The following BMPR1B variants were observed in gnomAD, a reference collection of about 807,000 sequenced individuals.
BMPR1B encodes the protein bone morphogenetic protein receptor type 1B, also known as bone morphogenetic protein receptor type-1B.
A neutral mutation model predicts 59.1 loss-of-function variants in BMPR1B; 12 were observed. That is an observed-to-expected ratio of 0.20 (90% CI 0.13 to 0.33). The LOEUF (loss-of-function observed/expected upper bound fraction) is 0.33, where lower values mean the gene tolerates loss of function less well. Ranked by LOEUF, BMPR1B falls within the 10% of genes least tolerant of loss-of-function variation. The pLI, the probability that BMPR1B is intolerant of heterozygous loss-of-function variation, is 1.00. For missense variants in BMPR1B, 550 were observed against 610.9 expected, an observed-to-expected ratio of 0.90 and a Z score of 1.05; for synonymous variants, 237 against 207.3, an observed-to-expected ratio of 1.14 and a Z score of -1.23.
chr4:94,890,726 C>A (rs1727358978), intron 2 of BMPR1B, among the ~76,000 whole-genome samples: 1 of 152,022 alleles, frequency 6.6e-6, no homozygotes, highest in Non-Finnish European at 1.5e-5. Context: ...CTTACAGCGT[C>A]CTTACGTGGT....
chr4:94,949,016 C>T (rs1405650610), intron 2 of BMPR1B, among the ~76,000 whole-genome samples: 1 of 152,130 alleles, frequency 6.6e-6, no homozygotes, highest in Non-Finnish European at 1.5e-5. Context: ...GATACATGTG[C>T]AGAACATGCA....
chr4:94,859,427 G>C (rs751789730), intron 1 of BMPR1B, among the ~76,000 whole-genome samples: 3 of 152,088 alleles, frequency 2.0e-5, no homozygotes, highest in Non-Finnish European at 4.4e-5. Context: ...GCTTTTAATA[G>C]TGGAGTCAAG....
chr4:95,123,575 C>T (rs1328730628), intron 6 of BMPR1B, among the ~76,000 whole-genome samples: 3 of 152,054 alleles, frequency 2.0e-5, no homozygotes, highest in African/African-American at 7.2e-5. Flanking sequence ...CTGTTCCTTC[C>T]AGACAGGAAG....
At chr4:94,902,255 G>C (rs199677377) in intron 2 of BMPR1B, among the ~76,000 whole-genome samples, 3,947 of 80,172 alleles carry the variant, frequency 0.049, 76 homozygotes, top group African/African-American at 0.14. Flanking sequence ...CACACAGAGA[G>C]AGAGAGAGAG....
chr4:94,981,756 G>A (rs1721099536), intron 2 of BMPR1B, among the ~76,000 whole-genome samples: 2 of 152,158 alleles, frequency 1.3e-5, no homozygotes, highest in Admixed American at 1.3e-4. Flanking sequence ...TGGCAACTGT[G>A]CCTGATAAAC....
intron 3 of BMPR1B, among the ~76,000 whole-genome samples, chr4:95,046,833 G>A (rs1238279847): frequency 3.9e-5 from 6 of 152,098 alleles, no homozygotes; most frequent in East Asian, 1.9e-4. Context: ...GAAGAAGAAC[G>A]CCTCAGACAT....
At chr4:94,921,933 T>G (rs1454916140) in intron 2 of BMPR1B, among the ~76,000 whole-genome samples, 3 of 151,984 alleles carry the variant, frequency 2.0e-5, no homozygotes, top group Non-Finnish European at 4.4e-5. Context: ...GGATTAGCAA[T>G]TTTTCTGAAA....
intron 3 of BMPR1B, among the ~76,000 whole-genome samples, chr4:95,072,653 TG>T (rs1728398312): frequency 6.6e-6 from 1 of 152,204 alleles, no homozygotes; most frequent in South Asian, 2.1e-4. Context: ...TTTCTTACTC[TG>T]AACTTTAAAT....
At position 95,049,419 on chromosome 4, in the gene BMPR1B, GTTTTTTTTTTTTTTTTTTTTTTTTTTTTT is replaced by G. The variant is rs761496965; in HGVS notation, c.-18+53308_-18+53336del. On this transcript the variant is annotated intron_variant, in intron 3 of 12. Coordinates refer to ENST00000515059, the MANE Select transcript of BMPR1B (RefSeq NM_001203.3). ...ACGAGCCAATGTGCCCAGCATAAAA[GTTTTTTTTTTTTTTTTTTTTTTTTTTTTT>G]TTTTTTTTTTTTTTTTTTTTTTGCA... Among the ~76,000 whole-genome samples the G allele has an allele frequency of 3.4e-3, 264 of 77,388 alleles. 8 individuals carry two copies. Among genetic ancestry groups the G allele is most frequent in the African/African-American group, 0.011 (213 of 19,306 alleles). 50.8% of individuals were successfully genotyped at this position (77,388 alleles called of 152,430 possible).
At chr4:94,821,612 GAATTA>G (rs1414238381) in intron 1 of BMPR1B, among the ~76,000 whole-genome samples, 2 of 151,966 alleles carry the variant, frequency 1.3e-5, no homozygotes, top group Non-Finnish European at 2.9e-5. Context: ...ATAAAACATT[GAATTA>G]AATTCGATAA....
At chr4:94,790,034 A>G (rs1427533932) in intron 1 of BMPR1B, among the ~76,000 whole-genome samples, 3 of 152,140 alleles carry the variant, frequency 2.0e-5, no homozygotes, top group African/African-American at 7.2e-5. Context: ...GATTTTCTTA[A>G]TAACATTTTC....
intron 10 of BMPR1B, among the ~76,000 whole-genome samples, chr4:95,136,167 C>CA (rs906509853): frequency 2.3e-4 from 35 of 151,716 alleles, no homozygotes; most frequent in African/African-American, 8.2e-4. Context: ...GCCTACCAAC[C>CA]AAAAAAAGTC....
chr4:94,998,291 G>T (rs1722196786), intron 3 of BMPR1B, among the ~76,000 whole-genome samples: 1 of 151,732 alleles, frequency 6.6e-6, no homozygotes, highest in African/African-American at 2.4e-5. Context: ...AATTTAGCTT[G>T]AAATATTAAT....
At chr4:94,966,965 G>A (rs1376539452) in intron 2 of BMPR1B, among the ~76,000 whole-genome samples, 2 of 152,114 alleles carry the variant, frequency 1.3e-5, no homozygotes, top group Non-Finnish European at 2.9e-5. Context: ...GGTCCTTGGG[G>A]AAATATTAGC....
intron 1 of BMPR1B, among the ~76,000 whole-genome samples, chr4:94,807,615 A>C (rs1011371835): frequency 1.3e-5 from 2 of 152,224 alleles, no homozygotes; most frequent in African/African-American, 4.8e-5. Context: ...TAAACTGTGG[A>C]GAATAGAAAG....
chr4:95,131,880 G>T (rs146849000), intron 10 of BMPR1B, among the ~76,000 whole-genome samples: 2 of 152,168 alleles, frequency 1.3e-5, no homozygotes, highest in African/African-American at 4.8e-5. Context: ...TTTTTATATG[G>T]TATAGGAAAG....
intron 6 of BMPR1B, among the ~76,000 whole-genome samples, chr4:95,120,371 A>G (rs1358077991): frequency 2.0e-5 from 3 of 152,216 alleles, no homozygotes; most frequent in South Asian, 2.1e-4. Context: ...TTGGATATGT[A>G]TACAGCATCA....
intron 2 of BMPR1B, among the ~76,000 whole-genome samples, chr4:94,965,249 T>A (rs1730510841): frequency 6.6e-6 from 1 of 152,162 alleles, no homozygotes; most frequent in African/African-American, 2.4e-5. Flanking sequence ...ATTGGAACAC[T>A]GTACATAGTA....
intron 1 of BMPR1B, among the ~76,000 whole-genome samples, chr4:94,777,322 T>A (rs1238853031): frequency 6.6e-6 from 1 of 152,118 alleles, no homozygotes; most frequent in African/African-American, 2.4e-5. Flanking sequence ...TGAAAGTAGT[T>A]TTGAATAGGT....
Sources: gnomAD v4.1 joint callset for allele counts (sites outside exome capture counted in the v4.1 genomes callset) on GRCh38, gnomAD v4.1.1 for gene constraint, MANE v1.5 for transcripts, NCBI Gene and HGNC (gene_info 2026-07-23, HGNC 2026-07-21) for gene names.